TMEM178B: variants seen among roughly 807,000 people sequenced by gnomAD.
TMEM178B encodes the protein transmembrane protein 178B.
Under a neutral mutation model 31.0 loss-of-function variants are expected in TMEM178B, and 5 were observed. That is an observed-to-expected ratio of 0.16 (90% CI 0.08 to 0.34). TMEM178B has a LOEUF of 0.34. Ranked by LOEUF, TMEM178B falls within the 10% of genes least tolerant of loss-of-function variation. TMEM178B has a pLI of 1.00. For synonymous variants in TMEM178B, 164 were observed against 164.0 expected (o/e 1.00, Z 0.00); for missense variants, 275 against 400.3 (o/e 0.69, Z 2.67).
At chr7:141,136,447 G>T (rs1056926935) in intron 1 of TMEM178B, among the ~76,000 whole-genome samples, 7 of 152,132 alleles carry the variant, frequency 4.6e-5, no homozygotes, top group African/African-American at 1.7e-4. Context: ...AATTGCTTCA[G>T]GACATTGGTC....
chr7:141,258,749 G>A lies in TMEM178B; in HGVS notation c.496+46045G>A, dbSNP rs191729968. Reference sequence around the variant, plus strand: ...AGAATTCTTGGTTAAACGAGTTTTTGTCTTCTTTCTTTCTTTCAGCCTTTA... The same window carrying A: ...AGAATTCTTGGTTAAACGAGTTTTTATCTTCTTTCTTTCTTTCAGCCTTTA... On this transcript the variant is annotated intron_variant, in intron 2 of 3. Coordinates refer to ENST00000565468, the MANE Select transcript of TMEM178B (RefSeq NM_001195278.2). 5.0e-3 allele frequency among the ~76,000 whole-genome samples: 754 copies of A among 152,244 alleles called. 3 individuals are homozygous for A. Among genetic ancestry groups the A allele is most frequent in the Middle Eastern group, 0.01 (3 of 294 alleles).
At chr7:141,161,055 C>T (rs1334768997) in intron 1 of TMEM178B, among the ~76,000 whole-genome samples, 1 of 152,080 alleles carries the variant, frequency 6.6e-6, no homozygotes, top group African/African-American at 2.4e-5. Flanking sequence ...TGGGGTTTCA[C>T]CACGTTGGTC....
chr7:141,384,079 T>C (rs998020044), intron 2 of TMEM178B, among the ~76,000 whole-genome samples: 2 of 152,236 alleles, frequency 1.3e-5, no homozygotes, highest in African/African-American at 4.8e-5. Context: ...GTTTTTTTCC[T>C]GTATATTTGT....
intron 2 of TMEM178B, among the ~76,000 whole-genome samples, chr7:141,403,480 GGA>G (rs1460468762): frequency 6.6e-6 from 1 of 152,166 alleles, no homozygotes; most frequent in Non-Finnish European, 1.5e-5. Context: ...GCCCCTACAG[GGA>G]GAGAGCCTGG....
At chr7:141,182,458 A>G (rs1443149586) in intron 1 of TMEM178B, among the ~76,000 whole-genome samples, 1 of 152,246 alleles carries the variant, frequency 6.6e-6, no homozygotes. Context: ...ATGAGTTTTA[A>G]CAAACATATG....
chr7:141,438,594 C>T (rs1323757538), intron 3 of TMEM178B, among the ~76,000 whole-genome samples: 1 of 148,760 alleles, frequency 6.7e-6, no homozygotes, highest in Non-Finnish European at 1.5e-5. Context: ...AATATTGTGG[C>T]TCACACCTGT....
chr7:141,429,430 G>A (rs1445064193), intron 2 of TMEM178B, among the ~76,000 whole-genome samples: 1 of 152,126 alleles, frequency 6.6e-6, no homozygotes, highest in African/African-American at 2.4e-5. Flanking sequence ...ACTATGCTAA[G>A]TCAGGCACAG....
intron 2 of TMEM178B, among the ~76,000 whole-genome samples, chr7:141,302,368 T>C (rs1363448069): frequency 6.6e-6 from 1 of 152,220 alleles, no homozygotes; most frequent in Non-Finnish European, 1.5e-5. Flanking sequence ...TCCAATTATG[T>C]GAGTAGTCCA....
At chr7:141,226,124 T>C (rs1000144531) in intron 2 of TMEM178B, among the ~76,000 whole-genome samples, 2 of 152,154 alleles carry the variant, frequency 1.3e-5, no homozygotes, top group African/African-American at 4.8e-5. Flanking sequence ...ACTGCCTCAC[T>C]CTTGGAGCTT....
chr7:141,275,093 GAC>G (rs1314128018), intron 2 of TMEM178B, among the ~76,000 whole-genome samples: 1 of 152,184 alleles, frequency 6.6e-6, no homozygotes, highest in Non-Finnish European at 1.5e-5. Context: ...TTCTCTGGAA[GAC>G]ACTAAGAGAG....
At chr7:141,467,199 G>A (rs533441160) in intron 3 of TMEM178B, among the ~76,000 whole-genome samples, 1 of 152,078 alleles carries the variant, frequency 6.6e-6, no homozygotes, top group African/African-American at 2.4e-5. Flanking sequence ...GGGAGTCTAG[G>A]TTGAGACCTA....
intron 2 of TMEM178B, among the ~76,000 whole-genome samples, chr7:141,305,041 T>C (rs1321233360): frequency 2.0e-5 from 3 of 152,198 alleles, no homozygotes; most frequent in Non-Finnish European, 1.5e-5. Context: ...CACTCCACAC[T>C]GTCCTATGCT....
At chr7:141,273,948 G>A (rs1054729715) in intron 2 of TMEM178B, among the ~76,000 whole-genome samples, 1 of 152,178 alleles carries the variant, frequency 6.6e-6, no homozygotes, top group African/African-American at 2.4e-5. Flanking sequence ...TCCTCACTGA[G>A]CCCCATCCAT....
At chr7:141,205,792 A>C (rs1001368061) in intron 1 of TMEM178B, among the ~76,000 whole-genome samples, 2 of 152,204 alleles carry the variant, frequency 1.3e-5, no homozygotes, top group African/African-American at 4.8e-5. Flanking sequence ...GCACTTAGGA[A>C]ACCCTGGATT....
chr7:141,157,147 C>T (rs1796084276), intron 1 of TMEM178B, among the ~76,000 whole-genome samples: 1 of 152,132 alleles, frequency 6.6e-6, no homozygotes. Flanking sequence ...TGCCCTCTTC[C>T]CACTGGCCAA....
At chr7:141,112,130 A>G (rs183771049) in intron 1 of TMEM178B, among the ~76,000 whole-genome samples, 1 of 152,360 alleles carries the variant, frequency 6.6e-6, no homozygotes, top group Admixed American at 6.5e-5. Context: ...ACGAACACAC[A>G]TAGGCCATTT....
At chr7:141,406,700 G>A (rs1800892129) in intron 2 of TMEM178B, among the ~76,000 whole-genome samples, 1 of 152,198 alleles carries the variant, frequency 6.6e-6, no homozygotes. Context: ...CTAAGTAGGA[G>A]GAGAAAGAAG....
intron 2 of TMEM178B, among the ~76,000 whole-genome samples, chr7:141,360,027 G>T (rs555726400): frequency 8.5e-5 from 13 of 152,090 alleles, no homozygotes; most frequent in Non-Finnish European, 1.6e-4. Context: ...ATCTCCCACC[G>T]GGTTCCTCCC....
chr7:141,274,559 T>C (rs1017940059), intron 2 of TMEM178B, among the ~76,000 whole-genome samples: 5 of 152,198 alleles, frequency 3.3e-5, no homozygotes, highest in African/African-American at 1.2e-4. Flanking sequence ...CTTTTTCTAT[T>C]CCGGCTCTGT....
Sources: gnomAD v4.1 joint callset for allele counts (sites outside exome capture counted in the v4.1 genomes callset) on GRCh38, gnomAD v4.1.1 for gene constraint, MANE v1.5 for transcripts, NCBI Gene and HGNC (gene_info 2026-07-23, HGNC 2026-07-21) for gene names.